STX5: variants seen among roughly 807,000 people sequenced by gnomAD.
The protein encoded by STX5 is syntaxin-5.
A neutral mutation model predicts 42.9 loss-of-function variants in STX5; 15 were observed. The ratio of observed to expected loss-of-function variants is 0.35; its 90% CI spans 0.23 to 0.54. STX5 has a LOEUF of 0.54. Among genes scored for constraint, STX5 ranks in the 20% least tolerant of loss-of-function variants. STX5 has a pLI of 0.91. For synonymous variants in STX5, 184 were observed against 173.2 expected, an observed-to-expected ratio of 1.06 and a Z score of -0.49; for missense variants, 430 against 455.0, an observed-to-expected ratio of 0.95 and a Z score of 0.50.
chr11:62,814,129 A>C (rs1451874659), intron 10 of STX5, among the ~76,000 whole-genome samples: 1 of 152,148 alleles, frequency 6.6e-6, no homozygotes, highest in Non-Finnish European at 1.5e-5. Flanking sequence ...TAAAACCTAT[A>C]ATTAAAGCCT....
At chr11:62,810,103 C>CAAAAA (rs11405544) in intron 10 of STX5, among the ~76,000 whole-genome samples, 2 of 97,406 alleles carry the variant, frequency 2.1e-5, no homozygotes, top group Admixed American at 1.3e-4. Context: ...GACTCCATCT[C>CAAAAA]AAAAAAAAAA....
At position 62,824,441 on chromosome 11, in the gene STX5, A is replaced by C; in HGVS notation, c.786+18T>G. 6.2e-7 allele frequency: 1 copy of C among 1,614,026 alleles called. No individual in the cohort carries two copies. Among genetic ancestry groups the C allele is most frequent in the South Asian group, 1.1e-5 (1 of 91,082 alleles). On this transcript the variant is annotated intron_variant, in intron 9 of 10. Coordinates refer to ENST00000294179, the MANE Select transcript of STX5 (RefSeq NM_003164.5). The stretch of plus-strand genomic sequence containing the variant: ...GATAATGGAGAAGCTGATTCTACCT[A>C]GTTCAGAGCCTGGGTACCTGCTCGT...
intron 10 of STX5, among the ~76,000 whole-genome samples, chr11:62,818,226 C>G (rs1590967796): frequency 9.7e-6 from 1 of 103,378 alleles, no homozygotes; most frequent in Admixed American, 1.3e-4. Flanking sequence ...GCCTGGGTGA[C>G]AAGAGTGAAA....
At chr11:62,831,314 CCCCCG>C in intron 1 of STX5, 52 bp from the exon 2 acceptor site, 2 of 1,293,764 alleles carry the variant, frequency 1.5e-6, no homozygotes, top group Non-Finnish European at 2.2e-6. Context: ...TACCCAAACT[CCCCCG>C]CCCCACCCCA....
At chr11:62,822,399 T>G (rs1409203909) in intron 10 of STX5, among the ~76,000 whole-genome samples, 2 of 152,144 alleles carry the variant, frequency 1.3e-5, no homozygotes, top group Admixed American at 1.3e-4. Context: ...TGGCTCCCTA[T>G]GTCACTCAGA....
Position 62,807,562 on chromosome 11 carries a change from G to A in STX5, c.975C>T (p.Tyr325=), listed in dbSNP as rs150755637. Residue 325 remains tyrosine, a synonymous_variant, in exon 11 of 11, where the codon TAC becomes TAT. Transcript: ENST00000294179. Reference sequence around the variant, plus strand: ...ACCGGTTGGAGGTGACAGACTGGAAGTACTTGAGGATCTCTGAATGGGCGG... The same window carrying A: ...ACCGGTTGGAGGTGACAGACTGGAAATACTTGAGGATCTCTGAATGGGCGG... The part of the protein sequence containing the change: ...VEAAHSEILK[Y]FQSVTSNRWL... 6 of 1,614,078 alleles carry A rather than the reference G, an allele frequency of 3.7e-6. No homozygotes were observed. The highest frequency in any genetic ancestry group is 1.3e-5 in the African/African-American group (1 of 74,930).
Position 62,807,267 on chromosome 11 carries a change from T to C in STX5, c.*202A>G, listed in dbSNP as rs1314853072. On this transcript the variant is annotated 3_prime_UTR_variant, in exon 11 of 11. Coordinates refer to ENST00000294179, the MANE Select transcript of STX5 (RefSeq NM_003164.5). ...GTTCAAATCTAGAACCCTGTGTGTTTCATAGGCCTGAGGGTGGTGGGGGGA... is the reference window on the plus strand; with the variant it reads ...GTTCAAATCTAGAACCCTGTGTGTTCCATAGGCCTGAGGGTGGTGGGGGGA... 6 of 706,240 alleles carry C rather than the reference T, an allele frequency of 8.5e-6. No homozygotes were observed. The East Asian group carries it at 1.8e-4, about 21-fold the overall frequency. The allele number at this position is 706,240 out of a possible 1,614,324, so 43.7% of individuals were successfully genotyped here. A position where few individuals can be genotyped will look rare whatever the true frequency, so the allele number is the denominator to read the frequency against.
chr11:62,816,364 C>A (rs945297153), intron 10 of STX5, among the ~76,000 whole-genome samples: 1 of 152,100 alleles, frequency 6.6e-6, no homozygotes, highest in South Asian at 2.1e-4. Context: ...CCTATTGTAA[C>A]CTCCTACTCC....
At chr11:62,831,540 T>C (rs969320631) in intron 1 of STX5, among the ~76,000 whole-genome samples, 1 of 152,052 alleles carries the variant, frequency 6.6e-6, no homozygotes. Context: ...GCCAACCCCG[T>C]GGTCCTGAGA....
chr11:62,826,493 G>A (rs2084797164), intron 5 of STX5, among the ~76,000 whole-genome samples: 1 of 152,026 alleles, frequency 6.6e-6, no homozygotes, highest in African/African-American at 2.4e-5. Context: ...GGAGACAGAG[G>A]TTGCAGTGAG....
At chr11:62,830,969 C>T (rs1159911411) in intron 2 of STX5, 50 bp downstream of exon 2, 1 of 1,493,378 alleles carries the variant, frequency 6.7e-7, no homozygotes, top group Middle Eastern at 2.4e-4. Context: ...ACAGTCCTTC[C>T]TAGATTTGAG....
At chr11:62,828,258 G>C (rs770633550) in intron 2 of STX5, among the ~76,000 whole-genome samples, 13 of 151,668 alleles carry the variant, frequency 8.6e-5, no homozygotes, top group South Asian at 2.1e-4. Flanking sequence ...GGGACTACAG[G>C]GCACACCACC....
At chr11:62,823,586 C>T (rs187850783) in intron 10 of STX5, among the ~76,000 whole-genome samples, 1 of 152,160 alleles carries the variant, frequency 6.6e-6, no homozygotes, top group Non-Finnish European at 1.5e-5. Flanking sequence ...GGCTCTGTCA[C>T]CCAGGCTGGA....
rs1485652166 is a variant in STX5, at chr11:62,831,724, G to A, written c.-20+230C>T. Among the ~76,000 whole-genome samples, 6 of 137,742 alleles carry A rather than the reference G, an allele frequency of 4.4e-5. No individual in the cohort carries two copies. In the Admixed American group the frequency reaches 4.6e-4, roughly 11 times the overall value. The allele number at this position is 137,742 out of a possible 152,430, so 90.4% of individuals were successfully genotyped here. On this transcript the variant is annotated intron_variant, in intron 1 of 10. Coordinates refer to ENST00000294179, the MANE Select transcript of STX5 (RefSeq NM_003164.5). ...TTTGAAACAGGAAGTCCCACCCCCC[G>A]CCCAAGGTCCGCCTTCTGGAAGACT...
intron 10 of STX5, among the ~76,000 whole-genome samples, chr11:62,814,881 A>C (rs1249125445): frequency 6.6e-6 from 1 of 152,194 alleles, no homozygotes; most frequent in Non-Finnish European, 1.5e-5. Context: ...GGTGTGAGCC[A>C]CTATGCCTGG....
Position 62,827,379 on chromosome 11 carries a change from T to G in STX5, c.316A>C (p.Ser106Arg), listed in dbSNP as rs539503453. 2 of 1,614,176 alleles carry G rather than the reference T, an allele frequency of 1.2e-6. No homozygotes were observed. The highest frequency in any genetic ancestry group is 2.7e-5 in the African/African-American group (2 of 75,032). ...TTCTCCAGCTTGGCAAATGTGTTGCTAAGGTCTTTCCCAATGCGCCTGCAA... is the reference window on the plus strand; with the variant it reads ...TTCTCCAGCTTGGCAAATGTGTTGCGAAGGTCTTTCCCAATGCGCCTGCAA... ...LMAKRIGKDL[S>R]NTFAKLEKLT... Residue 106 changes from serine to arginine, a missense_variant, in exon 4 of 11, where the codon AGC becomes CGC. Ser to Arg is a moderately radical substitution (Grantham distance 110). Coordinates refer to ENST00000294179, the MANE Select transcript of STX5 (RefSeq NM_003164.5).
At chr11:62,815,459 ACT>A (rs1201031467) in intron 10 of STX5, among the ~76,000 whole-genome samples, 4 of 109,124 alleles carry the variant, frequency 3.7e-5, no homozygotes, top group Non-Finnish European at 6.7e-5. Context: ...ACAGAGTATC[ACT>A]CTGTTGTGAC....
chr11:62,821,408 T>C (rs774656190), intron 10 of STX5, among the ~76,000 whole-genome samples: 1 of 152,152 alleles, frequency 6.6e-6, no homozygotes, highest in Non-Finnish European at 1.5e-5. Context: ...TCCCAGAGTA[T>C]ACACTATTAT....
chr11:62,825,192 C>T, intron 7 of STX5, 75 bp from the exon 8 acceptor site: 1 of 1,610,676 alleles, frequency 6.2e-7, no homozygotes. Flanking sequence ...CCACCATTGG[C>T]CCCATGACCC....
Sources: allele counts gnomAD v4.1 joint callset (sites outside exome capture counted in the v4.1 genomes callset), GRCh38; gene constraint gnomAD v4.1.1; transcripts MANE v1.5; gene names NCBI Gene and HGNC (gene_info 2026-07-23, HGNC 2026-07-21).